Variants in RND1 observed in about 807,000 individuals in gnomAD.
The protein encoded by RND1 is rho-related GTP-binding protein Rho6.
A neutral mutation model predicts 27.1 loss-of-function variants in RND1; 9 were observed. That is an observed-to-expected ratio of 0.33 (90% CI 0.20 to 0.58). The LOEUF is 0.58. Ranked by LOEUF, RND1 falls within the 20% of genes least tolerant of loss-of-function variation. RND1 has a pLI of 0.86. For missense variants in RND1, 253 were observed against 292.2 expected, an observed-to-expected ratio of 0.87 and a Z score of 0.98; for synonymous variants, 108 against 115.7, an observed-to-expected ratio of 0.93 and a Z score of 0.43.
intron 2 of RND1, among the ~76,000 whole-genome samples, chr12:48,863,955 G>A (rs1938951663): frequency 6.6e-6 from 1 of 152,112 alleles, no homozygotes; most frequent in African/African-American, 2.4e-5. Context: ...AATGGGAAGG[G>A]GTCAGAATCA....
rs955798011 is a variant in RND1 at position 48,860,845 on chromosome 12, C to A, written c.453+152G>T. 6.7e-6 allele frequency: 7 copies of A among 1,050,686 alleles called. No homozygotes were observed. The African/African-American group carries it at 1.1e-4, about 16-fold the overall frequency. The allele number at this position is 1,050,686 out of a possible 1,614,324, so 65.1% of individuals were successfully genotyped here. On this transcript the variant is annotated intron_variant, in intron 4 of 4. Transcript: ENST00000309739. Reference sequence around the variant, plus strand: ...AGCATACATCTGGGTAAGCAGGTGCCCACCACCTCTCTCCAGGTGACTCAT... The same window carrying A: ...AGCATACATCTGGGTAAGCAGGTGCACACCACCTCTCTCCAGGTGACTCAT...
chr12:48,862,579 G>A (rs954941583), intron 2 of RND1, among the ~76,000 whole-genome samples: 4 of 152,078 alleles, frequency 2.6e-5, no homozygotes, highest in Non-Finnish European at 5.9e-5. Context: ...CTTTTCCATG[G>A]GGTCAGAACT....
In RND1 at chr12:48,857,741, G is replaced by T. The variant is rs376455197; in HGVS notation, c.*255C>A. On this transcript the variant is annotated 3_prime_UTR_variant, in exon 5 of 5. Transcript: ENST00000309739. Reference sequence around the variant, plus strand: ...CCCACAGCTTTCCTTCCTCTGGAGCGGGGGGGGCACTGGGGTAGTCGCCCC... The same window carrying T: ...CCCACAGCTTTCCTTCCTCTGGAGCTGGGGGGGCACTGGGGTAGTCGCCCC... 15 of 318,314 alleles carry T rather than the reference G, an allele frequency of 4.7e-5. No homozygotes were observed. Among genetic ancestry groups the T allele is most frequent in the African/African-American group, 1.3e-4 (6 of 44,702 alleles). 19.7% of individuals were successfully genotyped at this position (318,314 alleles called of 1,614,324 possible).
chr12:48,865,753 C>A lies in RND1; in HGVS notation c.15G>T (p.Arg5=), dbSNP rs754979945. MKER[R]APQPVVARCK... The stretch of plus-strand genomic sequence containing the variant: ...ATCTGGCCACGACTGGCTGGGGGGC[C>A]CGTCTCTCCTTCATGGTTGCAGTGT... Residue 5 remains arginine (R), a synonymous_variant, in exon 1 of 5, where the codon CGG becomes CGT. Transcript: ENST00000309739. 7 of 1,603,440 alleles carry A rather than the reference C, an allele frequency of 4.4e-6. No individual in the cohort carries two copies. The highest frequency in any genetic ancestry group is 5.1e-6 in the Non-Finnish European group (6 of 1,172,332).
At chr12:48,864,760 G>A (rs1040070910) in intron 2 of RND1, 23 bp downstream of exon 2, 1 of 1,535,686 alleles carries the variant, frequency 6.5e-7, no homozygotes, top group African/African-American at 1.4e-5. Flanking sequence ...GTGGGAAAGG[G>A]GTATTTGGAG....
chr12:48,858,000 A>T lies in RND1; in HGVS notation c.695T>A (p.Met232Lys). 1 of 1,597,396 alleles carries T rather than the reference A, an allele frequency of 6.3e-7. No homozygotes were observed. Among genetic ancestry groups the T allele is most frequent in the East Asian group, 2.2e-5 (1 of 44,612 alleles). Residue 232 changes from methionine to lysine, a missense_variant, in exon 5 of 5, where the codon ATG becomes AAG. Transcript: ENST00000309739. ...KKEKAKSCSI[M>K] ...CTCCCCCCTCCAATTTCCACTTCAC[A>T]TAATGGAACAGCTTTTGGCCTTTTC...
intron 3 of RND1, 139 bp downstream of exon 3, chr12:48,861,870 A>G: frequency 1.5e-6 from 1 of 672,172 alleles, no homozygotes; most frequent in Non-Finnish European, 2.7e-6. Context: ...GCTGTAGCTA[A>G]TGGTGTGGCC....
At chr12:48,862,208 C>T (rs1938928222) in intron 2 of RND1, 90 bp from the exon 3 acceptor site, 1 of 728,658 alleles carries the variant, frequency 1.4e-6, no homozygotes, top group Non-Finnish European at 2.3e-6. Flanking sequence ...ATACCATCCT[C>T]AATCCCTGAG....
chr12:48,862,156 T>C (rs761122123), intron 2 of RND1, 38 bp from the exon 3 acceptor site: 2 of 1,312,534 alleles, frequency 1.5e-6, no homozygotes, highest in Non-Finnish European at 2.2e-6. Context: ...TGAGCCATGG[T>C]GTTTTCCTTC....
intron 2 of RND1, chr12:48,862,334 CAAAAT>C: frequency 2.1e-6 from 1 of 484,930 alleles, no homozygotes. Context: ...GGAAAGAAGA[CAAAAT>C]AAAGTGGGTG....
rs1186942472 is a variant in RND1 at position 48,865,844 on chromosome 12, A to C, written c.-77T>G. ...CAGGTGCGTCTCAGCACGCCAATCA[A>C]GCCAGATTCCCTGCCTCCCTCCAAC... On this transcript the variant is annotated 5_prime_UTR_variant, in exon 1 of 5. Transcript: ENST00000309739. 6.6e-7 allele frequency: 1 copy of C among 1,512,872 alleles called. No individual in the cohort carries two copies. Among genetic ancestry groups the C allele is most frequent in the Non-Finnish European group, 8.9e-7 (1 of 1,128,404 alleles). The allele number at this position is 1,512,872 out of a possible 1,614,324, so 93.7% of individuals were successfully genotyped here. A position where few individuals can be genotyped will look rare whatever the true frequency, so the allele number is the denominator to read the frequency against.
intron 3 of RND1, 124 bp from the exon 4 acceptor site, chr12:48,861,255 G>A: frequency 2.1e-6 from 2 of 950,744 alleles, no homozygotes; most frequent in Non-Finnish European, 1.6e-6. Context: ...CACCAGCCCA[G>A]TCCTCCCTCT....
At chr12:48,858,531 G>C (rs1938874434) in intron 4 of RND1, 2 of 293,418 alleles carry the variant, frequency 6.8e-6, no homozygotes, top group African/African-American at 2.2e-5. Flanking sequence ...TCTGGGGATA[G>C]CTGGGGCAGT....
At chr12:48,862,240 G>C in intron 2 of RND1, 122 bp from the exon 3 acceptor site, 1 of 616,946 alleles carries the variant, frequency 1.6e-6, no homozygotes, top group Non-Finnish European at 2.9e-6. Flanking sequence ...CTCCCAGGGG[G>C]AATGTACTGC....
At chr12:48,861,155 G>T in intron 3 of RND1, 24 bp from the exon 4 acceptor site, 1 of 1,586,036 alleles carries the variant, frequency 6.3e-7, no homozygotes, top group Non-Finnish European at 8.6e-7. Context: ...CAGGAAGAAG[G>T]GTAGGAGAAG....
At chr12:48,864,750 G>A (rs752318862) in intron 2 of RND1, 33 bp downstream of exon 2, 90 of 1,460,390 alleles carry the variant, frequency 6.2e-5, no homozygotes, top group Non-Finnish European at 2.1e-5. Flanking sequence ...ACCAGTAGGG[G>A]TGGGAAAGGG....
rs1188259035 is a variant in RND1 at position 48,857,790 on chromosome 12, G to A, written c.*206C>T. 2 of 485,644 alleles carry A rather than the reference G, an allele frequency of 4.1e-6. No individual in the cohort carries two copies. Among genetic ancestry groups the A allele is most frequent in the Non-Finnish European group, 6.9e-6 (2 of 289,066 alleles). 30.1% of individuals were successfully genotyped at this position (485,644 alleles called of 1,614,324 possible). On this transcript the variant is annotated 3_prime_UTR_variant, in exon 5 of 5. Coordinates refer to ENST00000309739, the MANE Select transcript of RND1 (RefSeq NM_014470.4). ...CCCTCCAAAATCTAGTGCCTGGCTT[G>A]GGGTATGATGGTTCTCTCTCAGCGT...
intron 1 of RND1, among the ~76,000 whole-genome samples, chr12:48,865,098 C>T (rs547215009): frequency 1.8e-4 from 27 of 151,926 alleles, no homozygotes; most frequent in Admixed American, 8.5e-4. Flanking sequence ...CAGGGGTAAG[C>T]CCCCCATATC....
At chr12:48,864,976 G>T in intron 1 of RND1, 106 bp from the exon 2 acceptor site, 1 of 871,922 alleles carries the variant, frequency 1.1e-6, no homozygotes, top group Non-Finnish European at 2.0e-6. Context: ...AGTCACAGGA[G>T]ACAAGAAACC....
Sources: allele counts gnomAD v4.1 joint callset (sites outside exome capture counted in the v4.1 genomes callset), GRCh38; gene constraint gnomAD v4.1.1; transcripts MANE v1.5; gene names NCBI Gene and HGNC (gene_info 2026-07-23, HGNC 2026-07-21).